The following IZUMO1 variants were observed in gnomAD, a reference collection of about 807,000 sequenced individuals.
The protein encoded by IZUMO1 is izumo sperm-oocyte fusion 1, also known as izumo sperm-egg fusion protein 1.
A neutral mutation model predicts 40.7 loss-of-function variants in IZUMO1; 44 were observed. The observed-to-expected ratio is 1.08, with a 90% CI of 0.85 to 1.39. The LOEUF (loss-of-function observed/expected upper bound fraction) is 1.39, where lower values mean the gene tolerates loss of function less well. Among genes scored for constraint, IZUMO1 ranks in the 40% most tolerant of loss-of-function variants. The probability of loss-of-function intolerance (pLI) is 0.00; values close to 1 mark genes in which losing one functional copy is unlikely to be tolerated. For synonymous variants in IZUMO1, 149 were observed against 170.9 expected (o/e 0.87, Z 1.00); for missense variants, 368 against 436.9 (o/e 0.84, Z 1.41).
chr19:48,742,725 CTTTTTTTT>C (rs34894807), intron 6 of IZUMO1, among the ~76,000 whole-genome samples: 2 of 93,510 alleles, frequency 2.1e-5, no homozygotes, highest in African/African-American at 8.7e-5. Context: ...TTCTCTCTCT[CTTTTTTTT>C]TTTTTTTTTT....
At position 48,745,800 on chromosome 19, in the gene IZUMO1, C is replaced by G. The variant is rs376346026; in HGVS notation, c.60G>C (p.Glu20Asp). 30 of 1,614,104 alleles carry G rather than the reference C, an allele frequency of 1.9e-5. No homozygotes were observed. The highest frequency in any genetic ancestry group is 2.5e-5 in the Non-Finnish European group (30 of 1,180,048). ...CAGACGGGTCACATATAACACACCC[C>G]TCGGCAGGAAGCAAGCAACCGGCCA... ...AALAGCLLPA[E>D]GCVICDPSVV... The change falls in exon 2 of 10, where the codon GAG becomes GAC. Residue 20 changes from glutamate to aspartate, a missense_variant. By Grantham distance (45) the Glu-to-Asp change is conservative (BLOSUM62 2). Coordinates refer to ENST00000332955, the MANE Select transcript of IZUMO1 (RefSeq NM_182575.3).
In IZUMO1 at chr19:48,742,067, C is replaced by A. The variant is rs376565626; in HGVS notation, c.601-125G>T. 1.7e-4 allele frequency: 257 copies of A among 1,522,478 alleles called. No homozygotes were observed. In the Middle Eastern group the frequency reaches 1.8e-3, roughly 11 times the overall value. 94.3% of individuals were successfully genotyped at this position (1,522,478 alleles called of 1,614,324 possible). A position where few individuals can be genotyped will look rare whatever the true frequency, so the allele number is the denominator to read the frequency against. On this transcript the variant is annotated intron_variant, in intron 7 of 9. Coordinates refer to ENST00000332955, the MANE Select transcript of IZUMO1 (RefSeq NM_182575.3). ...GTCCAGGGTGTCACTGGTCAGGGCA[C>A]GGGGTCCCCAGAGGTCTGTAGAGAC...
chr19:48,745,872 G>T lies in IZUMO1; in HGVS notation c.-13C>A, dbSNP rs768449274. On this transcript the variant is annotated 5_prime_UTR_variant, in exon 2 of 10. Coordinates refer to ENST00000332955, the MANE Select transcript of IZUMO1 (RefSeq NM_182575.3). The stretch of plus-strand genomic sequence containing the variant: ...AATGCGGCCCCATTGCAGCCGGCGC[G>T]CACAGTTCCCGAAGACCGTTAGGAA... 2 of 1,613,788 alleles carry T rather than the reference G, an allele frequency of 1.2e-6. No individual in the cohort carries two copies. The highest frequency in any genetic ancestry group is 1.3e-5 in the African/African-American group (1 of 74,922).
chr19:48,741,692 G>GA lies in IZUMO1; in HGVS notation c.754+96dup. 7.1e-7 allele frequency: 1 copy of GA among 1,418,106 alleles called. No individual in the cohort carries two copies. Among genetic ancestry groups the GA allele is most frequent in the Non-Finnish European group, 9.4e-7 (1 of 1,062,842 alleles). 87.8% of individuals were successfully genotyped at this position (1,418,106 alleles called of 1,614,324 possible). On this transcript the variant is annotated intron_variant, in intron 8 of 9. Coordinates refer to ENST00000332955, the MANE Select transcript of IZUMO1 (RefSeq NM_182575.3). This position sits in a 1 kb window ranked among gnomAD's most constrained non-coding sequence, Gnocchi z 4.4. The stretch of plus-strand genomic sequence containing the variant: ...CGTGCCCCGAAACCACACCCAACAG[G>GA]AAGTCACGCCCCCATCGCCAAGGCC...
rs1390462306 is a variant in IZUMO1 at position 48,741,781 on chromosome 19, G to T, written c.754+8C>A. On this transcript the variant is annotated splice_region_variant and intron_variant, in intron 8 of 9. Coordinates refer to ENST00000332955, the MANE Select transcript of IZUMO1 (RefSeq NM_182575.3). This position sits in a 1 kb window ranked among gnomAD's most constrained non-coding sequence, Gnocchi z 4.4. ...ATCCTACACTTCTCTCAGCCCCACAGCACTGACCTGTGACGTGAAAATTGA... is the reference window on the plus strand; with the variant it reads ...ATCCTACACTTCTCTCAGCCCCACATCACTGACCTGTGACGTGAAAATTGA... 1.3e-6 allele frequency: 2 copies of T among 1,572,052 alleles called. No individual in the cohort carries two copies. The highest frequency in any genetic ancestry group is 1.7e-6 in the Non-Finnish European group (2 of 1,153,688).
chr19:48,741,784 C>T lies in IZUMO1; in HGVS notation c.754+5G>A. The T allele has an allele frequency of 1.3e-6, 2 of 1,575,270 alleles. No individual in the cohort carries two copies. The highest frequency in any genetic ancestry group is 1.7e-6 in the Non-Finnish European group (2 of 1,155,668). Reference sequence around the variant, plus strand: ...CTACACTTCTCTCAGCCCCACAGCACTGACCTGTGACGTGAAAATTGATGA... The same window carrying T: ...CTACACTTCTCTCAGCCCCACAGCATTGACCTGTGACGTGAAAATTGATGA... On this transcript the variant is annotated splice_donor_5th_base_variant and intron_variant, in intron 8 of 9. Transcript: ENST00000332955. The surrounding 1 kb of genome is among the most constrained non-coding windows in gnomAD (Gnocchi z 4.4).
rs745538143 is a variant in IZUMO1, at chr19:48,741,798, GA to G, written c.744del (p.His249ThrfsTer8). The G allele has an allele frequency of 6.3e-7, 1 of 1,588,532 alleles. No individual in the cohort carries two copies. The highest frequency in any genetic ancestry group is 1.1e-5 in the South Asian group (1 of 89,044). On this transcript the variant is annotated frameshift_variant, in exon 8 of 10. Transcript: ENST00000332955. LOFTEE classifies it high-confidence loss of function. The surrounding 1 kb of genome is among the most constrained non-coding windows in gnomAD (Gnocchi z 4.4). Reference sequence around the variant, plus strand: ...GCCCCACAGCACTGACCTGTGACGTGAAAATTGATGATCGTGGCTGGGCTGG... The same window carrying G: ...GCCCCACAGCACTGACCTGTGACGTGAAATTGATGATCGTGGCTGGGCTGG... ...VNSSPATIINFHVTVLPKMIK... is the reference protein window; with the variant it reads ...VNSSPATIINXHVTVLPKMIK...
rs1314657047 is a variant in IZUMO1 at position 48,746,066 on chromosome 19, T to C, written c.-73-134A>G. On this transcript the variant is annotated intron_variant, in intron 1 of 9. Coordinates refer to ENST00000332955, the MANE Select transcript of IZUMO1 (RefSeq NM_182575.3). Reference sequence around the variant, plus strand: ...GGACCTATGTCCTTCATCAAATGCCTCCGAAGTGTGAAACTGAGCCCCAAT... The same window carrying C: ...GGACCTATGTCCTTCATCAAATGCCCCCGAAGTGTGAAACTGAGCCCCAAT... 7 of 1,415,380 alleles carry C rather than the reference T, an allele frequency of 4.9e-6. No individual in the cohort carries two copies. The East Asian group carries it at 1.5e-4, about 31-fold the overall frequency. 87.7% of individuals were successfully genotyped at this position (1,415,380 alleles called of 1,614,324 possible).
intron 5 of IZUMO1, 25 bp downstream of exon 5, chr19:48,744,150 G>T (rs748082369): frequency 5.6e-6 from 9 of 1,609,648 alleles, no homozygotes; most frequent in Non-Finnish European, 6.8e-6. Flanking sequence ...CAGGATGAGG[G>T]TTAACTTCTG....
chr19:48,741,948 C>G lies in IZUMO1; in HGVS notation c.601-6G>C. The G allele has an allele frequency of 6.3e-7, 1 of 1,589,924 alleles. No individual in the cohort carries two copies. Among genetic ancestry groups the G allele is most frequent in the Non-Finnish European group, 8.6e-7 (1 of 1,165,082 alleles). The stretch of plus-strand genomic sequence containing the variant: ...TCCGTATTGTTCCCCCAAACCTAGA[C>G]CCAAGCTCAAGGGGTCACTGAGGCC... On this transcript the variant is annotated splice_region_variant and splice_polypyrimidine_tract_variant and intron_variant, in intron 7 of 9. Transcript: ENST00000332955. This position sits in a 1 kb window ranked among gnomAD's most constrained non-coding sequence, Gnocchi z 4.4.
rs2033899532 is a variant in IZUMO1 at position 48,746,878 on chromosome 19, C to T, written c.-517G>A. 1.0e-6 allele frequency: 1 copy of T among 985,454 alleles called. No individual in the cohort carries two copies. Among genetic ancestry groups the T allele is most frequent in the Non-Finnish European group, 1.2e-6 (1 of 829,918 alleles). The allele number at this position is 985,454 out of a possible 1,614,324, so 61.0% of individuals were successfully genotyped here. Reference sequence around the variant, plus strand: ...GAAACCACCCCCTCCGAGCTTCTCACGTAGGGGCCCGAATTCCTTTATAGA... The same window carrying T: ...GAAACCACCCCCTCCGAGCTTCTCATGTAGGGGCCCGAATTCCTTTATAGA... On this transcript the variant is annotated 5_prime_UTR_variant, in exon 1 of 10. In the 5' UTR this introduces an upstream ATG that the reference lacks. Coordinates refer to ENST00000332955, the MANE Select transcript of IZUMO1 (RefSeq NM_182575.3).
chr19:48,746,485 G>C lies in IZUMO1; in HGVS notation c.-124C>G, dbSNP rs929154492. The C allele has an allele frequency of 1.5e-5, 15 of 987,448 alleles. No homozygotes were observed. In the African/African-American group the frequency reaches 2.6e-4, roughly 17 times the overall value. The allele number at this position is 987,448 out of a possible 1,614,324, so 61.2% of individuals were successfully genotyped here. A position where few individuals can be genotyped will look rare whatever the true frequency, so the allele number is the denominator to read the frequency against. On this transcript the variant is annotated 5_prime_UTR_variant, in exon 1 of 10. Transcript: ENST00000332955. ...CTAACACTTAAGCGAGACTCCATGC[G>C]GTCCTCTAGACCTAGGGGGCCCTTG...
At position 48,744,101 on chromosome 19, in the gene IZUMO1, A is replaced by C. The variant is rs906737230; in HGVS notation, c.418+74T>G. On this transcript the variant is annotated intron_variant, in intron 5 of 9. Transcript: ENST00000332955. The stretch of plus-strand genomic sequence containing the variant: ...GGCAGAGAATGACAAAACCACCAGG[A>C]TCCAAAAAGGCGAGTGGGGAGGTTG... 10 of 1,347,350 alleles carry C rather than the reference A, an allele frequency of 7.4e-6. No homozygotes were observed. The African/African-American group carries it at 1.4e-4, about 19-fold the overall frequency. The allele number at this position is 1,347,350 out of a possible 1,614,324, so 83.5% of individuals were successfully genotyped here. A position where few individuals can be genotyped will look rare whatever the true frequency, so the allele number is the denominator to read the frequency against.
At position 48,741,355 on chromosome 19, in the gene IZUMO1, A is replaced by T. The variant is rs1251204242; in HGVS notation, c.878T>A (p.Leu293His). 2 of 1,612,164 alleles carry T rather than the reference A, an allele frequency of 1.2e-6. No individual in the cohort carries two copies. Among genetic ancestry groups the T allele is most frequent in the Non-Finnish European group, 1.7e-6 (2 of 1,179,768 alleles). Residue 293 changes from leucine to histidine, a missense_variant, in exon 9 of 10, where the codon CTT becomes CAT. Physicochemically the swap from Leu to His is moderately conservative, Grantham distance 99. Coordinates refer to ENST00000332955, the MANE Select transcript of IZUMO1 (RefSeq NM_182575.3). The surrounding 1 kb of genome is among the most constrained non-coding windows in gnomAD (Gnocchi z 4.4). ...LQPEKMLASR[L>H]LGLLICGSLA... is the part of the protein sequence containing the mutation. Reference sequence around the variant, plus strand: ...GGAGCCGCAGATCAGCAGCCCCAGAAGGCGGCTTGCCAGCATTTTCTCGGG... The same window carrying T: ...GGAGCCGCAGATCAGCAGCCCCAGATGGCGGCTTGCCAGCATTTTCTCGGG...
At position 48,745,623 on chromosome 19, in the gene IZUMO1, A is replaced by G; in HGVS notation, c.235+2T>C. 6.2e-7 allele frequency: 1 copy of G among 1,613,656 alleles called. No homozygotes were observed. The highest frequency in any genetic ancestry group is 8.5e-7 in the Non-Finnish European group (1 of 1,179,896). ...GGGGTCCGTGGTCCCCCCTGCCCTC[A>G]CCAACGACCCCCATATAGGCATCCT... On this transcript the variant is annotated splice_donor_variant, in intron 2 of 9. Transcript: ENST00000332955. LOFTEE classifies it high-confidence loss of function.
At chr19:48,744,150 G>A in intron 5 of IZUMO1, 25 bp downstream of exon 5, 1 of 1,609,768 alleles carries the variant, frequency 6.2e-7, no homozygotes, top group Non-Finnish European at 8.5e-7. Flanking sequence ...CAGGATGAGG[G>A]TTAACTTCTG....
rs2122503450 is a variant in IZUMO1, at chr19:48,741,628, C to A, written c.755-150G>T. On this transcript the variant is annotated intron_variant, in intron 8 of 9. Transcript: ENST00000332955. The surrounding 1 kb of genome is among the most constrained non-coding windows in gnomAD (Gnocchi z 4.4). The stretch of plus-strand genomic sequence containing the variant: ...ACACACCCAAGGGAACCCCTGTCCT[C>A]GGGGCCAGAGGCCACGCCCCCGGCA... 2.4e-6 allele frequency: 3 copies of A among 1,253,798 alleles called. No homozygotes were observed. The highest frequency in any genetic ancestry group is 2.6e-5 in the Admixed American group (1 of 38,088). The allele number at this position is 1,253,798 out of a possible 1,614,324, so 77.7% of individuals were successfully genotyped here.
rs2033692213 is a variant in IZUMO1, at chr19:48,741,572, A to G, written c.755-94T>C. ...GTCCCAGTAGCCGGCCATCCCAGAG[A>G]TAATCACGCCTTCAACAGTGTCAAG... On this transcript the variant is annotated intron_variant, in intron 8 of 9. Coordinates refer to ENST00000332955, the MANE Select transcript of IZUMO1 (RefSeq NM_182575.3). The surrounding 1 kb of genome is among the most constrained non-coding windows in gnomAD (Gnocchi z 4.4). 1 of 1,406,228 alleles carries G rather than the reference A, an allele frequency of 7.1e-7. No individual in the cohort carries two copies. Among genetic ancestry groups the G allele is most frequent in the African/African-American group, 1.4e-5 (1 of 70,228 alleles). 87.1% of individuals were successfully genotyped at this position (1,406,228 alleles called of 1,614,324 possible). A position where few individuals can be genotyped will look rare whatever the true frequency, so the allele number is the denominator to read the frequency against.
At position 48,745,927 on chromosome 19, in the gene IZUMO1, A is replaced by AT. The variant is rs1282146847; in HGVS notation, c.-69_-68insA. On this transcript the variant is annotated 5_prime_UTR_variant, in exon 2 of 10. An upstream open reading frame in the 5' UTR loses its in-frame stop. Coordinates refer to ENST00000332955, the MANE Select transcript of IZUMO1 (RefSeq NM_182575.3). ...GCTCTCACCCCAAACCGAGAGCAGG[A>AT]GAACGCTAAACGGAGAAAAGCCAAA... 1.3e-5 allele frequency: 20 copies of AT among 1,598,578 alleles called. No individual in the cohort carries two copies. The highest frequency in any genetic ancestry group is 8.6e-5 in the Admixed American group (5 of 58,200).
Sources: allele counts gnomAD v4.1 joint callset (sites outside exome capture counted in the v4.1 genomes callset), GRCh38; gene constraint gnomAD v4.1.1; non-coding constraint Gnocchi (gnomAD v3.1); transcripts MANE v1.5; gene names NCBI Gene and HGNC (gene_info 2026-07-23, HGNC 2026-07-21).